The following CYFIP2 variants were observed in gnomAD, a reference collection of about 807,000 sequenced individuals.
The protein encoded by CYFIP2 is cytoplasmic FMR1-interacting protein 2.
Under a neutral mutation model 158.7 loss-of-function variants are expected in CYFIP2, and 29 were observed. The observed-to-expected ratio is 0.18, with a 90% CI of 0.14 to 0.25. The LOEUF is 0.25. Ranked by LOEUF, CYFIP2 falls within the 10% of genes least tolerant of loss-of-function variation. The pLI is 1.00. For synonymous variants in CYFIP2, 585 were observed against 617.6 expected (o/e 0.95, Z 0.78); for missense variants, 852 against 1,639.5 (o/e 0.52, Z 8.29).
intron 3 of CYFIP2, among the ~76,000 whole-genome samples, chr5:157,290,267 T>C (rs1757713763): frequency 6.6e-6 from 1 of 152,216 alleles, no homozygotes; most frequent in African/African-American, 2.4e-5. Flanking sequence ...TGAGTTAAAA[T>C]CAGGGTGCCA....
rs527550026 is a variant in CYFIP2 at position 157,319,848 on chromosome 5, G to A, written c.1443G>A (p.Ala481=). 47 of 1,614,086 alleles carry A rather than the reference G, an allele frequency of 2.9e-5. No homozygotes were observed. The highest frequency in any genetic ancestry group is 3.4e-5 in the Non-Finnish European group (40 of 1,179,920). ...AGGCCATCAGGAACACCATCTACGC[G>A]GCATTGCAGGACTTCGCCCAGGTGA... is the stretch of plus-strand genomic sequence containing the variant. ...FNQAIRNTIY[A]ALQDFAQVTL... The change falls in exon 14 of 31, where the codon GCG becomes GCA. Residue 481 remains alanine, a synonymous_variant. Coordinates refer to ENST00000620254, the MANE Select transcript of CYFIP2 (RefSeq NM_001037333.3).
intron 26 of CYFIP2, among the ~76,000 whole-genome samples, chr5:157,365,761 G>T (rs911645636): frequency 7.3e-5 from 6 of 82,620 alleles, no homozygotes; most frequent in South Asian, 5.9e-4. Context: ...GAGTTATCTA[G>T]TATGTTTTCC....
At chr5:157,322,605 G>A (rs376084888) in intron 15 of CYFIP2, among the ~76,000 whole-genome samples, 1 of 152,184 alleles carries the variant, frequency 6.6e-6, no homozygotes, top group African/African-American at 2.4e-5. Context: ...TGCAGATGGG[G>A]GACTGTCTGA....
chr5:157,362,043 A>G (rs10052330), intron 26 of CYFIP2, among the ~76,000 whole-genome samples: 70,301 of 152,132 alleles, frequency 0.46, 17,738 homozygotes, highest in African/African-American at 0.68. Flanking sequence ...AAGTCATTGT[A>G]TGGAGGTTAC....
intron 26 of CYFIP2, among the ~76,000 whole-genome samples, chr5:157,368,001 G>A (rs1425261453): frequency 6.6e-6 from 1 of 151,858 alleles, no homozygotes; most frequent in Non-Finnish European, 1.5e-5. Flanking sequence ...CAAGTGATCT[G>A]CCCACCTCGG....
chr5:157,310,583 G>A (rs1272083746), intron 10 of CYFIP2, among the ~76,000 whole-genome samples: 2 of 152,262 alleles, frequency 1.3e-5, no homozygotes, highest in African/African-American at 2.4e-5. Flanking sequence ...CTGCTAGCGC[G>A]TGACGGGGTT....
rs149309861 is a variant in CYFIP2 at position 157,293,740 on chromosome 5, T to C, written c.208-1043T>C. ...CAAAACCAATTCACTGAGACAGTGGTATTGCAGTAAAGAAAGAGTTTAATC... is the reference window on the plus strand; with the variant it reads ...CAAAACCAATTCACTGAGACAGTGGCATTGCAGTAAAGAAAGAGTTTAATC... On this transcript the variant is annotated intron_variant, in intron 3 of 30. Coordinates refer to ENST00000620254, the MANE Select transcript of CYFIP2 (RefSeq NM_001037333.3). Among the ~76,000 whole-genome samples the C allele has an allele frequency of 3.4e-3, 512 of 152,308 alleles. 4 individuals carry two copies. Among genetic ancestry groups the C allele is most frequent in the Middle Eastern group, 6.8e-3 (2 of 294 alleles).
At chr5:157,323,834 AAAATACATAAAT>A in intron 15 of CYFIP2, 75 bp from the exon 16 acceptor site, 1 of 1,390,052 alleles carries the variant, frequency 7.2e-7, no homozygotes, top group Non-Finnish European at 9.4e-7. Context: ...CAGAAAAAAA[AAAATACATAAAT>A]ACAACATGAA....
At chr5:157,380,177 G>A (rs943480338) in intron 26 of CYFIP2, 1 of 152,156 alleles carries the variant, frequency 6.6e-6, no homozygotes, top group Admixed American at 6.5e-5. Context: ...ACTGATCTTG[G>A]GTTTTACAAT....
chr5:157,311,895 G>A lies in CYFIP2; in HGVS notation c.1110+114G>A. ...ACACTGGAGAGTAGAAGGGAGGGAG[G>A]CAGGAGGGTAAAGTGGCCAACAGCA... On this transcript the variant is annotated intron_variant, in intron 11 of 30. Coordinates refer to ENST00000620254, the MANE Select transcript of CYFIP2 (RefSeq NM_001037333.3). The surrounding 1 kb of genome is among the most constrained non-coding windows in gnomAD (Gnocchi z 4.7). 3.0e-6 allele frequency: 3 copies of A among 1,014,010 alleles called. No homozygotes were observed. Among genetic ancestry groups the A allele is most frequent in the Non-Finnish European group, 4.4e-6 (3 of 688,908 alleles). The allele number at this position is 1,014,010 out of a possible 1,614,324, so 62.8% of individuals were successfully genotyped here. A position where few individuals can be genotyped will look rare whatever the true frequency, so the allele number is the denominator to read the frequency against.
intron 18 of CYFIP2, 35 bp downstream of exon 18, chr5:157,326,302 C>G: frequency 6.4e-7 from 1 of 1,562,856 alleles, no homozygotes; most frequent in Non-Finnish European, 8.8e-7. Flanking sequence ...CTCCTTTAAT[C>G]TTGTTCCAAA....
intron 23 of CYFIP2, among the ~76,000 whole-genome samples, chr5:157,348,834 C>G (rs928763033): frequency 6.6e-6 from 1 of 152,084 alleles, no homozygotes; most frequent in Non-Finnish European, 1.5e-5. Flanking sequence ...TACAGCATGC[C>G]TCTTCCCAAG....
intron 21 of CYFIP2, among the ~76,000 whole-genome samples, chr5:157,334,904 G>A (rs1357001466): frequency 2.0e-5 from 3 of 152,198 alleles, no homozygotes; most frequent in East Asian, 3.8e-4. Flanking sequence ...TTGTACCAAA[G>A]TTAATTTCCT....
chr5:157,377,356 T>G (rs945347584), intron 26 of CYFIP2, among the ~76,000 whole-genome samples: 5 of 152,066 alleles, frequency 3.3e-5, no homozygotes, highest in African/African-American at 9.7e-5. Context: ...TACTGTGGCC[T>G]CTTGCTTTGG....
Position 157,311,877 on chromosome 5 carries a change from A to C in CYFIP2, c.1110+96A>C. 1 of 1,166,680 alleles carries C rather than the reference A, an allele frequency of 8.6e-7. No homozygotes were observed. The highest frequency in any genetic ancestry group is 1.2e-6 in the Non-Finnish European group (1 of 813,180). The allele number at this position is 1,166,680 out of a possible 1,614,324, so 72.3% of individuals were successfully genotyped here. A position where few individuals can be genotyped will look rare whatever the true frequency, so the allele number is the denominator to read the frequency against. On this transcript the variant is annotated intron_variant, in intron 11 of 30. Transcript: ENST00000620254. The surrounding 1 kb of genome is among the most constrained non-coding windows in gnomAD (Gnocchi z 4.7). Reference sequence around the variant, plus strand: ...AGAACATGGACCCACGGAACACTGGAGAGTAGAAGGGAGGGAGGCAGGAGG... The same window carrying C: ...AGAACATGGACCCACGGAACACTGGCGAGTAGAAGGGAGGGAGGCAGGAGG...
chr5:157,365,993 A>G (rs1764333989), intron 26 of CYFIP2, among the ~76,000 whole-genome samples: 1 of 152,072 alleles, frequency 6.6e-6, no homozygotes, highest in African/African-American at 2.4e-5. Flanking sequence ...GTTTTGGTGT[A>G]TAGATGCTCC....
chr5:157,377,679 C>CA (rs1444021150), intron 26 of CYFIP2, among the ~76,000 whole-genome samples: 1 of 152,226 alleles, frequency 6.6e-6, no homozygotes, highest in African/African-American at 2.4e-5. Flanking sequence ...ATCTCTGGCT[C>CA]AGGCTCTATT....
At position 157,304,381 on chromosome 5, in the gene CYFIP2, A is replaced by T. The variant is rs778324539; in HGVS notation, c.795+15A>T. 1 of 1,611,228 alleles carries T rather than the reference A, an allele frequency of 6.2e-7. No individual in the cohort carries two copies. Among genetic ancestry groups the T allele is most frequent in the Non-Finnish European group, 8.5e-7 (1 of 1,177,822 alleles). ...TGCTCCTCAAGGTAAAACTCCCCTG[A>T]GGCCGCACCCATGGAGCCTGGGCTT... On this transcript the variant is annotated intron_variant, in intron 8 of 30. Transcript: ENST00000620254.
chr5:157,359,856 T>G (rs1288907574), intron 24 of CYFIP2, among the ~76,000 whole-genome samples: 1 of 152,208 alleles, frequency 6.6e-6, no homozygotes, highest in Non-Finnish European at 1.5e-5. Flanking sequence ...TTGTTACAGA[T>G]TGTGGAGCTA....
Sources: gnomAD v4.1 joint callset for allele counts (sites outside exome capture counted in the v4.1 genomes callset) on GRCh38, gnomAD v4.1.1 for gene constraint, Gnocchi (gnomAD v3.1) non-coding constraint, MANE v1.5 for transcripts, NCBI Gene and HGNC (gene_info 2026-07-23, HGNC 2026-07-21) for gene names.